Variants in PIK3R4 observed in about 807,000 individuals in gnomAD.
PIK3R4 encodes phosphoinositide-3-kinase regulatory subunit 4.
PIK3R4 carries 46 observed loss-of-function variants against 136.5 expected under a neutral mutation model. That is an observed-to-expected ratio of 0.34 (90% CI 0.27 to 0.43). The LOEUF is 0.43. PIK3R4 is among the 20% of genes least tolerant of loss of function. The pLI is 1.00. For synonymous variants in PIK3R4, 557 were observed against 566.7 expected, an observed-to-expected ratio of 0.98 and a Z score of 0.24; for missense variants, 1,331 against 1,649.5, an observed-to-expected ratio of 0.81 and a Z score of 3.35.
chr3:130,684,254 A>C lies in PIK3R4; in HGVS notation c.3603T>G (p.Ile1201Met), dbSNP rs758549928. The C allele has an allele frequency of 1.2e-6, 2 of 1,611,994 alleles. No homozygotes were observed. The highest frequency in any genetic ancestry group is 1.7e-6 in the Non-Finnish European group (2 of 1,178,476). The change falls in exon 16 of 20, where the codon ATT (isoleucine) becomes ATG (methionine). Residue 1201 changes from isoleucine (I) to methionine (M), a missense_variant. By Grantham distance (10) the Ile-to-Met change is conservative. This residue lies in a region of PIK3R4 where 1,180 missense variants were observed against 1,407.0 expected (regional missense o/e 0.84). Coordinates refer to ENST00000356763, the MANE Select transcript of PIK3R4 (RefSeq NM_014602.3). ...AAAGCCAGCCCTCCATCTTACCTGC[A>C]ATCACCCAGGACTGATACAGAGGGT... ...SMHPLYQSWVIAAVQGNNEVS... is the reference protein window; with the variant it reads ...SMHPLYQSWVMAAVQGNNEVS...
chr3:130,744,691 T>C lies in PIK3R4; in HGVS notation c.528A>G (p.Pro176=). 3 of 1,614,238 alleles carry C rather than the reference T, an allele frequency of 1.9e-6. No individual in the cohort carries two copies. Among genetic ancestry groups the C allele is most frequent in the Admixed American group, 1.7e-5 (1 of 60,032 alleles). The change falls in exon 2 of 20, where the codon CCA becomes CCG. Residue 176 remains proline (P), a synonymous_variant. Transcript: ENST00000356763. The part of the protein sequence containing the change: ...DFASFKPTYL[P]EDNPADFNYF... ...AATTGAAATCTGCCGGGTTGTCTTC[T>C]GGAAGATAAGTGGGCTTAAAACTGG...
At chr3:130,713,244 G>A (rs538378283) in intron 9 of PIK3R4, among the ~76,000 whole-genome samples, 1 of 152,136 alleles carries the variant, frequency 6.6e-6, no homozygotes, top group Non-Finnish European at 1.5e-5. Flanking sequence ...CTTATCTCTT[G>A]AACAGAGGAT....
chr3:130,744,270 A>C (rs1322144807), intron 2 of PIK3R4, among the ~76,000 whole-genome samples: 1 of 152,224 alleles, frequency 6.6e-6, no homozygotes, highest in Non-Finnish European at 1.5e-5. Context: ...AGGCAAGCAA[A>C]TATGTTTATA....
intron 7 of PIK3R4, among the ~76,000 whole-genome samples, chr3:130,719,773 A>C (rs777455656): frequency 4.6e-5 from 7 of 152,224 alleles, no homozygotes; most frequent in Non-Finnish European, 7.3e-5. Flanking sequence ...TGTAGTATAC[A>C]AAGGATACTT....
intron 16 of PIK3R4, among the ~76,000 whole-genome samples, chr3:130,682,472 TA>T (rs1394498643): frequency 6.6e-6 from 1 of 152,000 alleles, no homozygotes; most frequent in Non-Finnish European, 1.5e-5. Flanking sequence ...CTAGAATTAT[TA>T]AAAAAATAAG....
chr3:130,679,406 T>C lies in PIK3R4; in HGVS notation c.3986A>G (p.His1329Arg), dbSNP rs748594594. ...TGTGGCGACATCAGTGATGATGTCA[T>C]GATGTCCCACGGGCAGGGACTCTGG... ...RGPESLPVGH[H>R]DIITDVATFQ... The change falls in exon 20 of 20, where the codon CAT becomes CGT. Residue 1329 changes from histidine to arginine, a missense_variant. Physicochemically the swap from His to Arg is conservative, Grantham distance 29. Around this residue, in one of 2 missense-constraint regions of PIK3R4, gnomAD observed 1,180 missense variants for 1,407.0 expected, o/e 0.84. Transcript: ENST00000356763. 11 of 1,611,450 alleles carry C rather than the reference T, an allele frequency of 6.8e-6. No individual in the cohort carries two copies. Among genetic ancestry groups the C allele is most frequent in the African/African-American group, 1.3e-5 (1 of 75,002 alleles).
At chr3:130,692,038 C>A (rs546247216) in intron 13 of PIK3R4, among the ~76,000 whole-genome samples, 2 of 151,660 alleles carry the variant, frequency 1.3e-5, no homozygotes, top group Non-Finnish European at 2.9e-5. Flanking sequence ...CCACACCCAG[C>A]TAATTTTTTT....
intron 16 of PIK3R4, among the ~76,000 whole-genome samples, chr3:130,682,880 C>G (rs1207294343): frequency 6.6e-6 from 1 of 152,004 alleles, no homozygotes; most frequent in East Asian, 1.9e-4. Context: ...GTCTTTTGGA[C>G]CAAGAAGCCA....
intron 10 of PIK3R4, 79 bp from the exon 11 acceptor site, chr3:130,707,214 A>C (rs995952461): frequency 3.3e-6 from 3 of 906,908 alleles, no homozygotes; most frequent in Non-Finnish European, 3.3e-6. Context: ...TTTGGAGGGG[A>C]CAGTAGAGGA....
Position 130,745,034 on chromosome 3 carries a change from A to C in PIK3R4, c.185T>G (p.Leu62Trp). The C allele has an allele frequency of 6.2e-7, 1 of 1,613,590 alleles. No individual in the cohort carries two copies. Among genetic ancestry groups the C allele is most frequent in the East Asian group, 2.2e-5 (1 of 44,826 alleles). ...VKVFAIQDPT[L>W]PLTSYKQELE... ...CTCTTGTTTATAGCTGGTTAAAGGC[A>C]ATGTGGGATCCTGAATTGCAAAAAC... Residue 62 changes from leucine (L) to tryptophan (W), a missense_variant, in exon 2 of 20, where the codon TTG becomes TGG. This residue lies in a region of PIK3R4 where 151 missense variants were observed against 242.5 expected (regional missense o/e 0.62). Coordinates refer to ENST00000356763, the MANE Select transcript of PIK3R4 (RefSeq NM_014602.3).
Position 130,703,771 on chromosome 3 carries a change from A to G in PIK3R4, c.3050T>C (p.Val1017Ala). 6.2e-7 allele frequency: 1 copy of G among 1,613,532 alleles called. No individual in the cohort carries two copies. Among genetic ancestry groups the G allele is most frequent in the Non-Finnish European group, 8.5e-7 (1 of 1,179,510 alleles). ...LFATCSNDGT[V>A]KIWNSQKMEG... is the part of the protein sequence containing the mutation. ...CATCTTTTGACTGTTCCAGATTTTC[A>G]CTGTGCCATCATTTGAACATGTTGC... The change falls in exon 13 of 20, where the codon GTG becomes GCG. Residue 1017 changes from valine to alanine, a missense_variant. By Grantham distance (64) the Val-to-Ala change is moderately conservative. Around this residue, in one of 2 missense-constraint regions of PIK3R4, gnomAD observed 1,180 missense variants for 1,407.0 expected, o/e 0.84. Transcript: ENST00000356763.
chr3:130,725,224 A>T (rs2066724844), intron 6 of PIK3R4, among the ~76,000 whole-genome samples: 1 of 151,948 alleles, frequency 6.6e-6, no homozygotes. Context: ...AAAAATATAT[A>T]ATAATGTAAA....
intron 4 of PIK3R4, among the ~76,000 whole-genome samples, chr3:130,732,412 AAAG>A (rs2066764318): frequency 6.7e-6 from 1 of 150,264 alleles, no homozygotes; most frequent in African/African-American, 2.4e-5. Flanking sequence ...AAATTCTGGT[AAAG>A]AAGACAGAGC....
intron 9 of PIK3R4, among the ~76,000 whole-genome samples, chr3:130,709,553 T>C (rs1559824732): frequency 6.6e-6 from 1 of 152,140 alleles, no homozygotes; most frequent in African/African-American, 2.4e-5. Flanking sequence ...CAGTGTTAAC[T>C]TGCAATACTT....
At chr3:130,742,557 A>G (rs891759108) in intron 2 of PIK3R4, among the ~76,000 whole-genome samples, 1 of 152,228 alleles carries the variant, frequency 6.6e-6, no homozygotes, top group Non-Finnish European at 1.5e-5. Flanking sequence ...CCTTGAGGCT[A>G]ACCCTATCTT....
rs1020338221 is a variant in PIK3R4 at position 130,679,058 on chromosome 3, C to T, written c.*257G>A. 10 of 225,048 alleles carry T rather than the reference C, an allele frequency of 4.4e-5. No homozygotes were observed. Among genetic ancestry groups the T allele is most frequent in the Admixed American group, 1.7e-4 (3 of 17,984 alleles). 13.9% of individuals were successfully genotyped at this position (225,048 alleles called of 1,614,324 possible). ...TAAACATATTCATTTTCATATTTTA[C>T]ATTTCTCACCTCTATAACATATACA... is the stretch of plus-strand genomic sequence containing the variant. On this transcript the variant is annotated 3_prime_UTR_variant, in exon 20 of 20. Coordinates refer to ENST00000356763, the MANE Select transcript of PIK3R4 (RefSeq NM_014602.3).
At chr3:130,701,237 T>C (rs2066572354) in intron 13 of PIK3R4, among the ~76,000 whole-genome samples, 1 of 151,960 alleles carries the variant, frequency 6.6e-6, no homozygotes, top group African/African-American at 2.4e-5. Flanking sequence ...ATGGGCTGGG[T>C]GCGGTGGCTC....
intron 13 of PIK3R4, among the ~76,000 whole-genome samples, chr3:130,690,964 T>A (rs2066514907): frequency 6.8e-6 from 1 of 147,474 alleles, no homozygotes; most frequent in Non-Finnish European, 1.5e-5. Flanking sequence ...TGGCCAGTGG[T>A]GCGATCACAG....
At chr3:130,702,774 A>G (rs2066582069) in intron 13 of PIK3R4, among the ~76,000 whole-genome samples, 1 of 152,194 alleles carries the variant, frequency 6.6e-6, no homozygotes, top group African/African-American at 2.4e-5. Flanking sequence ...AATCACATTT[A>G]TTAAAATCAC....
Sources: allele counts gnomAD v4.1 joint callset (sites outside exome capture counted in the v4.1 genomes callset), GRCh38; gene constraint gnomAD v4.1.1; regional missense constraint gnomAD v4.1.1; transcripts MANE v1.5; gene names NCBI Gene and HGNC (gene_info 2026-07-23, HGNC 2026-07-21).